The following ATF7IP2 variants were observed in gnomAD, a reference collection of about 807,000 sequenced individuals.
The protein encoded by ATF7IP2 is activating transcription factor 7 interacting protein 2.
ATF7IP2 carries 42 observed loss-of-function variants against 64.2 expected under a neutral mutation model. The observed-to-expected ratio is 0.65, with a 90% CI of 0.51 to 0.85. The LOEUF (loss-of-function observed/expected upper bound fraction) is 0.85, where lower values mean the gene tolerates loss of function less well. ATF7IP2 is among the 40% of genes least tolerant of loss of function. The pLI is 0.00. For synonymous variants in ATF7IP2, 308 were observed against 272.8 expected (o/e 1.13, Z -1.27); for missense variants, 933 against 784.2 (o/e 1.19, Z -2.27).
At chr16:10,423,225 C>T (rs935773166) in intron 3 of ATF7IP2, among the ~76,000 whole-genome samples, 2 of 152,168 alleles carry the variant, frequency 1.3e-5, no homozygotes, top group African/African-American at 4.8e-5. Flanking sequence ...GCCTGGGTGA[C>T]AGAGTGAGAC....
intron 8 of ATF7IP2, among the ~76,000 whole-genome samples, chr16:10,442,608 C>A (rs1188814302): frequency 6.6e-6 from 1 of 152,142 alleles, no homozygotes; most frequent in African/African-American, 2.4e-5. Flanking sequence ...CCTAGAATTC[C>A]TGGTTAACTC....
At chr16:10,422,959 T>G (rs879628201) in intron 3 of ATF7IP2, among the ~76,000 whole-genome samples, 2 of 152,186 alleles carry the variant, frequency 1.3e-5, no homozygotes, top group African/African-American at 2.4e-5. Context: ...AAATTTAAAC[T>G]AGAGGCCAGG....
At chr16:10,424,376 A>G (rs1391639042) in intron 3 of ATF7IP2, among the ~76,000 whole-genome samples, 1 of 152,224 alleles carries the variant, frequency 6.6e-6, no homozygotes, top group Non-Finnish European at 1.5e-5. Flanking sequence ...TTAACTGAAA[A>G]TGGATCAAAA....
intron 2 of ATF7IP2, among the ~76,000 whole-genome samples, chr16:10,415,227 A>G (rs947597313): frequency 2.6e-5 from 4 of 152,226 alleles, no homozygotes; most frequent in Non-Finnish European, 4.4e-5. Flanking sequence ...ACTTGAAGTT[A>G]TACTGCAGAG....
intron 5 of ATF7IP2, among the ~76,000 whole-genome samples, chr16:10,432,467 T>C (rs1023523025): frequency 3.3e-5 from 5 of 152,106 alleles, no homozygotes; most frequent in African/African-American, 1.2e-4. Context: ...AGGCTGGGTG[T>C]GGTGGCTCAT....
chr16:10,468,460 T>A (rs1178430834), intron 9 of ATF7IP2, among the ~76,000 whole-genome samples: 1 of 152,204 alleles, frequency 6.6e-6, no homozygotes, highest in Admixed American at 6.5e-5. Context: ...ACCAGGAGTT[T>A]AGGATCATGA....
chr16:10,479,443 T>A (rs948939825), intron 12 of ATF7IP2, among the ~76,000 whole-genome samples: 1 of 151,936 alleles, frequency 6.6e-6, no homozygotes, highest in African/African-American at 2.4e-5. Flanking sequence ...TAGGTGGGAA[T>A]TGAACAATGA....
chr16:10,420,357 G>T (rs1242287271), intron 3 of ATF7IP2, among the ~76,000 whole-genome samples: 1 of 152,220 alleles, frequency 6.6e-6, no homozygotes, highest in Non-Finnish European at 1.5e-5. Context: ...GAGGGAACAT[G>T]GGTGACATCC....
intron 10 of ATF7IP2, among the ~76,000 whole-genome samples, chr16:10,472,896 G>A (rs2049857316): frequency 6.6e-6 from 1 of 150,832 alleles, no homozygotes; most frequent in Admixed American, 6.6e-5. Context: ...CATTTCCAAT[G>A]ATAACTTTTC....
chr16:10,443,999 C>T (rs761306672), intron 8 of ATF7IP2, among the ~76,000 whole-genome samples: 6 of 152,084 alleles, frequency 3.9e-5, no homozygotes, highest in Non-Finnish European at 5.9e-5. Context: ...GTTTCAAATA[C>T]CATGCTAGAC....
chr16:10,396,677 G>A (rs957282876), intron 1 of ATF7IP2, among the ~76,000 whole-genome samples: 1 of 151,762 alleles, frequency 6.6e-6, no homozygotes. Context: ...TTTTAATTGA[G>A]ACAGTGTCTC....
chr16:10,389,804 C>T (rs1467623717), intron 1 of ATF7IP2, among the ~76,000 whole-genome samples: 1 of 152,196 alleles, frequency 6.6e-6, no homozygotes, highest in Non-Finnish European at 1.5e-5. Context: ...TATTAGCATT[C>T]AGGTGATGCG....
At chr16:10,476,353 G>C (rs929730340) in intron 12 of ATF7IP2, among the ~76,000 whole-genome samples, 1 of 152,130 alleles carries the variant, frequency 6.6e-6, no homozygotes, top group South Asian at 2.1e-4. Context: ...AAATATATTA[G>C]TTACATCACA....
intron 6 of ATF7IP2, among the ~76,000 whole-genome samples, chr16:10,434,048 C>A (rs951350017): frequency 6.6e-6 from 1 of 151,540 alleles, no homozygotes; most frequent in Non-Finnish European, 1.5e-5. Flanking sequence ...GTAGATCTCA[C>A]CACAACCCAG....
In ATF7IP2 at chr16:10,416,913, T is replaced by C. The variant is rs146300428; in HGVS notation, c.-203+2301T>C. Among the ~76,000 whole-genome samples the C allele has an allele frequency of 3.2e-3, 491 of 152,326 alleles. 2 individuals are homozygous for C. The highest frequency in any genetic ancestry group is 0.011 in the African/African-American group (478 of 41,574). Reference sequence around the variant, plus strand: ...CATTTAAAAATAACTAAGACTATAATTGGATTGTTTGTAACACAAAGGATA... The same window carrying C: ...CATTTAAAAATAACTAAGACTATAACTGGATTGTTTGTAACACAAAGGATA... On this transcript the variant is annotated intron_variant, in intron 2 of 13. Coordinates refer to ENST00000562102, the MANE Select transcript of ATF7IP2 (RefSeq NM_001393719.1).
At chr16:10,476,974 A>T (rs2050033289) in intron 12 of ATF7IP2, among the ~76,000 whole-genome samples, 1 of 152,096 alleles carries the variant, frequency 6.6e-6, no homozygotes, top group Admixed American at 6.6e-5. Context: ...ACATGCATGT[A>T]TTTTTCTAAT....
At chr16:10,454,678 A>C (rs539746054) in intron 8 of ATF7IP2, among the ~76,000 whole-genome samples, 109 of 152,192 alleles carry the variant, frequency 7.2e-4, no homozygotes, top group Admixed American at 4.4e-3. Context: ...TAAACATTTA[A>C]AGCTGAATTT....
chr16:10,413,649 G>A (rs1017228148), intron 1 of ATF7IP2, among the ~76,000 whole-genome samples: 13 of 152,100 alleles, frequency 8.5e-5, no homozygotes, highest in Non-Finnish European at 1.2e-4. Context: ...ATGCTTTAAA[G>A]AGGTTCTGTT....
chr16:10,449,336 G>A (rs1361750315), intron 8 of ATF7IP2: 1 of 152,196 alleles, frequency 6.6e-6, no homozygotes, highest in Non-Finnish European at 1.5e-5. Flanking sequence ...ATGAATTAGG[G>A]AGGATTCCCT....
Sources: gnomAD v4.1 joint callset for allele counts (sites outside exome capture counted in the v4.1 genomes callset) on GRCh38, gnomAD v4.1.1 for gene constraint, MANE v1.5 for transcripts, NCBI Gene and HGNC (gene_info 2026-07-23, HGNC 2026-07-21) for gene names.